ACR: variants seen among roughly 807,000 people sequenced by gnomAD.
The protein encoded by ACR is acrosin.
A neutral mutation model predicts 26.0 loss-of-function variants in ACR; 17 were observed. That is an observed-to-expected ratio of 0.65 (90% CI 0.45 to 0.98). The LOEUF is 0.98. Ranked by LOEUF, ACR falls within the 50% of genes least tolerant of loss-of-function variation. ACR has a pLI of 0.00. For missense variants in ACR, 435 were observed against 519.3 expected (o/e 0.84, Z 1.58); for synonymous variants, 199 against 207.7 (o/e 0.96, Z 0.36).
chr22:50,743,182 C>T (rs1473575135), intron 3 of ACR, among the ~76,000 whole-genome samples: 4 of 149,856 alleles, frequency 2.7e-5, no homozygotes, highest in African/African-American at 9.8e-5. Context: ...ACTACAGGCG[C>T]CCGCCACCAT....
Position 50,745,290 on chromosome 22 carries a change from TATAG to T in ACR, c.*87_*90del. 6 of 1,068,622 alleles carry T rather than the reference TATAG, an allele frequency of 5.6e-6. No individual in the cohort carries two copies. The highest frequency in any genetic ancestry group is 7.8e-6 in the Non-Finnish European group (6 of 770,666). The allele number at this position is 1,068,622 out of a possible 1,614,324, so 66.2% of individuals were successfully genotyped here. A position where few individuals can be genotyped will look rare whatever the true frequency, so the allele number is the denominator to read the frequency against. ...TGAAATAAATAAATAAACATATATA[TATAG>T]ATATACACACACACATATCTGTATG... On this transcript the variant is annotated 3_prime_UTR_variant, in exon 5 of 5. Coordinates refer to ENST00000216139, the MANE Select transcript of ACR (RefSeq NM_001097.3).
chr22:50,745,326 T>G lies in ACR; in HGVS notation c.*119T>G, dbSNP rs2083445734. 2 of 989,948 alleles carry G rather than the reference T, an allele frequency of 2.0e-6. No individual in the cohort carries two copies. The highest frequency in any genetic ancestry group is 6.3e-5 in the Admixed American group (2 of 31,934). The allele number at this position is 989,948 out of a possible 1,614,324, so 61.3% of individuals were successfully genotyped here. The stretch of plus-strand genomic sequence containing the variant: ...ACACACACATATCTGTATGTATACA[T>G]GCATATACATCAAGAGATGCTTTCT... On this transcript the variant is annotated 3_prime_UTR_variant, in exon 5 of 5. Transcript: ENST00000216139.
At position 50,739,660 on chromosome 22, in the gene ACR, C is replaced by T; in HGVS notation, c.282-34C>T. 1 of 1,537,630 alleles carries T rather than the reference C, an allele frequency of 6.5e-7. No homozygotes were observed. Among genetic ancestry groups the T allele is most frequent in the Non-Finnish European group, 8.7e-7 (1 of 1,143,368 alleles). On this transcript the variant is annotated intron_variant, in intron 2 of 4. Coordinates refer to ENST00000216139, the MANE Select transcript of ACR (RefSeq NM_001097.3). This position sits in a 1 kb window ranked among gnomAD's most constrained non-coding sequence, Gnocchi z 5.5. ...TCGCTGTCACCAGGCTTTTGTCCAG[C>T]CGGTTGTGACCTGGCTTACCTTTGT...
chr22:50,742,208 A>G (rs1395371721), intron 3 of ACR, among the ~76,000 whole-genome samples: 1 of 152,078 alleles, frequency 6.6e-6, no homozygotes, highest in Non-Finnish European at 1.5e-5. Flanking sequence ...TCTTCACAAT[A>G]AAACCCATGG....
At chr22:50,744,527 C>T in intron 4 of ACR, 126 bp from the exon 5 acceptor site, 2 of 1,390,710 alleles carry the variant, frequency 1.4e-6, no homozygotes, top group Non-Finnish European at 1.9e-6. Flanking sequence ...TTTACTACAA[C>T]CACTTGTGTT....
intron 3 of ACR, among the ~76,000 whole-genome samples, chr22:50,743,079 G>A (rs149554062): frequency 0.55 from 82,815 of 149,402 alleles, 23,126 homozygotes; most frequent in Non-Finnish European, 0.58. Flanking sequence ...TCTGTGGCCC[G>A]GGCTGGAGTG....
chr22:50,740,078 C>A, intron 3 of ACR, 101 bp downstream of exon 3: 1 of 1,469,938 alleles, frequency 6.8e-7, no homozygotes, highest in Non-Finnish European at 9.4e-7. Flanking sequence ...AGGCTGCTTT[C>A]ATCCTCCTCA....
At position 50,739,469 on chromosome 22, in the gene ACR, C is replaced by T; in HGVS notation, c.276C>T (p.Gly92=). 6.2e-7 allele frequency: 1 copy of T among 1,614,124 alleles called. No homozygotes were observed. Among genetic ancestry groups the T allele is most frequent in the Non-Finnish European group, 8.5e-7 (1 of 1,179,992 alleles). The change falls in exon 2 of 5, where the codon GGC becomes GGT. Residue 92 remains glycine, a synonymous_variant. Transcript: ENST00000216139. This position sits in a 1 kb window ranked among gnomAD's most constrained non-coding sequence, Gnocchi z 5.5. Reference sequence around the variant, plus strand: ...TCACTGCTGCTCACTGCTTCGTCGGCAAAAAGTACGTGTAGGGATGCACTG... The same window carrying T: ...TCACTGCTGCTCACTGCTTCGTCGGTAAAAAGTACGTGTAGGGATGCACTG... The part of the protein sequence containing the change: ...WVLTAAHCFV[G]KNNVHDWRLV...
At position 50,742,543 on chromosome 22, in the gene ACR, CAAAA is replaced by C. The variant is rs71318831; in HGVS notation, c.566-1501_566-1498del. Among the ~76,000 whole-genome samples, 947 of 132,660 alleles carry C rather than the reference CAAAA, an allele frequency of 7.1e-3. 10 individuals carry two copies. Among genetic ancestry groups the C allele is most frequent in the South Asian group, 0.024 (93 of 3,892 alleles). The allele number at this position is 132,660 out of a possible 152,430, so 87.0% of individuals were successfully genotyped here. A position where few individuals can be genotyped will look rare whatever the true frequency, so the allele number is the denominator to read the frequency against. ...TGGGCGACAGAGCAAGACTCCGTCT[CAAAA>C]AAAAAAAAAAAAAAAATCGTCTTAA... is the stretch of plus-strand genomic sequence containing the variant. On this transcript the variant is annotated intron_variant, in intron 3 of 4. Transcript: ENST00000216139.
intron 3 of ACR, among the ~76,000 whole-genome samples, chr22:50,741,524 A>G (rs1345156899): frequency 6.6e-6 from 1 of 151,520 alleles, no homozygotes; most frequent in Non-Finnish European, 1.5e-5. Context: ...ACTCAGACAG[A>G]TTGTAGTGTC....
chr22:50,743,314 C>A (rs1201434869), intron 3 of ACR, among the ~76,000 whole-genome samples: 2 of 152,180 alleles, frequency 1.3e-5, no homozygotes, highest in African/African-American at 2.4e-5. Flanking sequence ...GGATGACAGG[C>A]GTGAGCCACC....
In ACR at chr22:50,739,155, C is replaced by T. The variant is rs2083412211; in HGVS notation, c.78-116C>T. 3 of 926,346 alleles carry T rather than the reference C, an allele frequency of 3.2e-6. No individual in the cohort carries two copies. The African/African-American group carries it at 4.9e-5, about 15-fold the overall frequency. 57.4% of individuals were successfully genotyped at this position (926,346 alleles called of 1,614,324 possible). On this transcript the variant is annotated intron_variant, in intron 1 of 4. Coordinates refer to ENST00000216139, the MANE Select transcript of ACR (RefSeq NM_001097.3). The surrounding 1 kb of genome is among the most constrained non-coding windows in gnomAD (Gnocchi z 5.5). Reference sequence around the variant, plus strand: ...CAGGCTGCCCCTGCTTTCCCAGAACCCGGAAGCTCTTCCCCACTTTTCCCA... The same window carrying T: ...CAGGCTGCCCCTGCTTTCCCAGAACTCGGAAGCTCTTCCCCACTTTTCCCA...
At chr22:50,742,866 G>A (rs138662706) in intron 3 of ACR, among the ~76,000 whole-genome samples, 1 of 152,126 alleles carries the variant, frequency 6.6e-6, no homozygotes, top group African/African-American at 2.4e-5. Context: ...TGCAGGTGAC[G>A]TCCAGATCCA....
chr22:50,740,459 C>A, intron 3 of ACR: 1 of 626,168 alleles, frequency 1.6e-6, no homozygotes, highest in Admixed American at 2.4e-5. Context: ...AGCCTTCCTG[C>A]TTCCAGGCTG....
At chr22:50,740,362 G>A (rs1603447588) in intron 3 of ACR, 2 of 581,420 alleles carry the variant, frequency 3.4e-6, no homozygotes, top group East Asian at 5.8e-5. Context: ...CACTCTCTGG[G>A]CCTTGGTTTC....
chr22:50,738,417 TG>T, intron 1 of ACR, 105 bp downstream of exon 1: 3 of 1,185,590 alleles, frequency 2.5e-6, no homozygotes, highest in Non-Finnish European at 3.7e-6. Context: ...ATCCCTAACC[TG>T]GACCCCCCCT....
chr22:50,741,202 C>G (rs1451037984), intron 3 of ACR, among the ~76,000 whole-genome samples: 2 of 152,122 alleles, frequency 1.3e-5, no homozygotes, highest in Non-Finnish European at 2.9e-5. Flanking sequence ...CTCTTATTTC[C>G]TTCTCTGAGG....
intron 3 of ACR, among the ~76,000 whole-genome samples, chr22:50,742,543 CAAAAA>C (rs71318831): frequency 0.49 from 64,779 of 132,552 alleles, 14,916 homozygotes; most frequent in Non-Finnish European, 0.54. Flanking sequence ...GACTCCGTCT[CAAAAA>C]AAAAAAAAAA....
Position 50,744,075 on chromosome 22 carries a change from T to C in ACR, c.580T>C (p.Ser194Pro), listed in dbSNP as rs757599261. Residue 194 changes from serine (S) to proline (P), a missense_variant, in exon 4 of 5, where the codon TCT (serine) becomes CCT (proline). Physicochemically the swap from Ser to Pro is moderately conservative, Grantham distance 74. This residue lies in a region of ACR where 314 missense variants were observed against 372.0 expected (regional missense o/e 0.84). Coordinates refer to ENST00000216139, the MANE Select transcript of ACR (RefSeq NM_001097.3). ...TCTGACTATAGCCCCCAGGCCATCA[T>C]CTATACTGATGGAGGCACGTGTGGA... Reference protein sequence around the residue: ...YIEEKAPRPSSILMEARVDLI... With the variant: ...YIEEKAPRPSPILMEARVDLI... The C allele has an allele frequency of 1.2e-6, 2 of 1,612,970 alleles. No homozygotes were observed. Among genetic ancestry groups the C allele is most frequent in the East Asian group, 4.5e-5 (2 of 44,866 alleles).
Sources: gnomAD v4.1 joint callset for allele counts (sites outside exome capture counted in the v4.1 genomes callset) on GRCh38, gnomAD v4.1.1 for gene constraint, gnomAD v4.1.1 regional missense constraint, Gnocchi (gnomAD v3.1) non-coding constraint, MANE v1.5 for transcripts, NCBI Gene and HGNC (gene_info 2026-07-23, HGNC 2026-07-21) for gene names.